The following ZNF536 variants were observed in gnomAD, a reference collection of about 807,000 sequenced individuals.
The protein encoded by ZNF536 is zinc finger protein 536.
Under a neutral mutation model 84.5 loss-of-function variants are expected in ZNF536, and 13 were observed. The observed-to-expected ratio is 0.15, with a 90% CI of 0.10 to 0.24. The LOEUF (loss-of-function observed/expected upper bound fraction) is 0.24. Among genes scored for constraint, ZNF536 ranks in the 10% least tolerant of loss-of-function variants. ZNF536 has a pLI of 1.00. For synonymous variants in ZNF536, 811 were observed against 742.5 expected (o/e 1.09, Z -1.50); for missense variants, 1,536 against 1,747.5 (o/e 0.88, Z 2.16).
chr19:30,415,122 TCTC>T lies in ZNF536; in HGVS notation c.-2-28427_-2-28425del, dbSNP rs1179938404. ...TCTCCTTCTTCCTCCTTCTCCTTCTTCTCCTCCTCCTCCTTTTCCTTCTTCTCC... is the reference window on the plus strand; with the variant it reads ...TCTCCTTCTTCCTCCTTCTCCTTCTTCTCCTCCTCCTTTTCCTTCTTCTCC... On this transcript the variant is annotated intron_variant, in intron 1 of 4. Transcript: ENST00000355537. Among the ~76,000 whole-genome samples the T allele has an allele frequency of 4.3e-5, 6 of 140,674 alleles. 1 individual carries two copies. Among genetic ancestry groups the T allele is most frequent in the East Asian group, 2.1e-4 (1 of 4,672 alleles). The allele number at this position is 140,674 out of a possible 152,430, so 92.3% of individuals were successfully genotyped here. A position where few individuals can be genotyped will look rare whatever the true frequency, so the allele number is the denominator to read the frequency against.
chr19:30,506,765 A>G (rs1370113781), intron 2 of ZNF536, among the ~76,000 whole-genome samples: 1 of 152,160 alleles, frequency 6.6e-6, no homozygotes, highest in Non-Finnish European at 1.5e-5. Flanking sequence ...CCCTTTCCCC[A>G]CAACAAAAAT....
In ZNF536 at chr19:30,454,043, C is replaced by T. The variant is rs370588516; in HGVS notation, c.2170+8311C>T. On this transcript the variant is annotated intron_variant, in intron 2 of 4. Transcript: ENST00000355537. ...GCTGCCTCCAATGTGGGCATGAGGA[C>T]GGGCTTGGCTTTAACACCTCCTCAC... 1.1e-4 allele frequency among the ~76,000 whole-genome samples: 16 copies of T among 152,358 alleles called. No individual in the cohort carries two copies. The East Asian group carries it at 1.5e-3, about 15-fold the overall frequency.
chr19:30,571,209 G>A (rs796904090), intron 1 of ZNF536, among the ~76,000 whole-genome samples: 1 of 152,136 alleles, frequency 6.6e-6, no homozygotes, highest in East Asian at 1.9e-4. Context: ...AGAGGTGGTC[G>A]GCTTCAGTGG....
At chr19:30,302,273 C>G (rs1044079114) in intron 2 of ZNF536, among the ~76,000 whole-genome samples, 2 of 152,122 alleles carry the variant, frequency 1.3e-5, no homozygotes, top group Admixed American at 6.5e-5. Flanking sequence ...GTCCGTCCTG[C>G]GGCAGGGAGG....
chr19:30,312,461 CA>C (rs1445235528), intron 2 of ZNF536, among the ~76,000 whole-genome samples: 1 of 152,214 alleles, frequency 6.6e-6, no homozygotes, highest in Non-Finnish European at 1.5e-5. Flanking sequence ...AAGCAACTTC[CA>C]AAAACAAGCT....
At chr19:30,262,531 T>C (rs999387745) in intron 1 of ZNF536, among the ~76,000 whole-genome samples, 2 of 152,156 alleles carry the variant, frequency 1.3e-5, no homozygotes, top group African/African-American at 4.8e-5. Flanking sequence ...CTTCCTGAAG[T>C]CAGTTATGCC....
At chr19:30,590,494 G>A (rs2047239991) in intron 1 of ZNF536, among the ~76,000 whole-genome samples, 1 of 152,208 alleles carries the variant, frequency 6.6e-6, no homozygotes, top group Non-Finnish European at 1.5e-5. Flanking sequence ...TTTGTTTGGG[G>A]AAAGCAAGAG....
At chr19:30,656,795 G>C (rs1203775055) in intron 1 of ZNF536, among the ~76,000 whole-genome samples, 1 of 152,218 alleles carries the variant, frequency 6.6e-6, no homozygotes, top group African/African-American at 2.4e-5. Flanking sequence ...GGTGCCCCTG[G>C]ACTTGGAGGG....
chr19:30,279,946 C>T (rs117833974), intron 1 of ZNF536, among the ~76,000 whole-genome samples: 1,557 of 152,304 alleles, frequency 0.01, 15 homozygotes, highest in Middle Eastern at 0.027. Context: ...CAGATGCCTC[C>T]GCAGACAGCC....
rs551069039 is a variant in ZNF536, at chr19:30,345,294, C to T, written c.-119-7074C>T. 2.2e-4 allele frequency among the ~76,000 whole-genome samples: 33 copies of T among 152,348 alleles called. No individual in the cohort carries two copies. The South Asian group carries it at 6.8e-3, about 32-fold the overall frequency. On this transcript the variant is annotated intron_variant, in intron 2 of 5. Transcript: ENST00000585628. ...CCTTTCTCTGTTCCTGTCCCCAGCC[C>T]TGTGAGAAGACTCCAGGTTTGACAG...
intron 1 of ZNF536, among the ~76,000 whole-genome samples, chr19:30,398,727 C>G (rs1022160625): frequency 6.6e-6 from 1 of 152,162 alleles, no homozygotes; most frequent in East Asian, 1.9e-4. Context: ...TCATCCATGT[C>G]CCTGCAAAGG....
At chr19:30,384,471 T>C (rs2049256720) in intron 1 of ZNF536, among the ~76,000 whole-genome samples, 1 of 151,322 alleles carries the variant, frequency 6.6e-6, no homozygotes, top group African/African-American at 2.4e-5. Flanking sequence ...GACCCTCTTG[T>C]GGATGCACGA....
At chr19:30,450,552 A>G (rs1233725555) in intron 2 of ZNF536, among the ~76,000 whole-genome samples, 1 of 141,258 alleles carries the variant, frequency 7.1e-6, no homozygotes, top group African/African-American at 2.8e-5. Flanking sequence ...TTGGAAAACA[A>G]TAATCCCATT....
chr19:30,597,768 T>A (rs1434800108), intron 1 of ZNF536, among the ~76,000 whole-genome samples: 1 of 152,238 alleles, frequency 6.6e-6, no homozygotes, highest in Admixed American at 6.5e-5. Flanking sequence ...GTTTTGTTGT[T>A]GTTTTATGCA....
intron 1 of ZNF536, among the ~76,000 whole-genome samples, chr19:30,387,372 G>A (rs1260369206): frequency 6.6e-6 from 1 of 152,222 alleles, no homozygotes; most frequent in Non-Finnish European, 1.5e-5. Context: ...GGTTGCTGTG[G>A]GCTGGGCCCC....
chr19:30,573,298 A>G (rs2046617393), intron 1 of ZNF536, among the ~76,000 whole-genome samples: 2 of 152,170 alleles, frequency 1.3e-5, no homozygotes, highest in African/African-American at 2.4e-5. Flanking sequence ...AATGACTTGC[A>G]TTAGTAATAG....
chr19:30,569,919 G>C (rs192480300), intron 1 of ZNF536, among the ~76,000 whole-genome samples: 2,980 of 152,188 alleles, frequency 0.02, 35 homozygotes, highest in Middle Eastern at 0.031. Flanking sequence ...AGCCCCGGGG[G>C]CTGTGGATAG....
At chr19:30,491,524 A>G (rs1321241433) in intron 2 of ZNF536, among the ~76,000 whole-genome samples, 1 of 152,214 alleles carries the variant, frequency 6.6e-6, no homozygotes, top group Admixed American at 6.5e-5. Context: ...CCCAGAACAA[A>G]GGGATCAGAC....
intron 1 of ZNF536, among the ~76,000 whole-genome samples, chr19:30,441,721 C>T (rs1016243548): frequency 6.6e-6 from 1 of 152,254 alleles, no homozygotes; most frequent in South Asian, 2.1e-4. Context: ...GGCAAGTGCC[C>T]ATGCACCTTT....
Sources: allele counts gnomAD v4.1 joint callset (sites outside exome capture counted in the v4.1 genomes callset), GRCh38; gene constraint gnomAD v4.1.1; transcripts MANE v1.5; gene names NCBI Gene and HGNC (gene_info 2026-07-23, HGNC 2026-07-21).